The following NF1 variants were observed in gnomAD, a reference collection of about 807,000 sequenced individuals.
The protein encoded by NF1 is neurofibromin 1, also known as neurofibromin.
Under a neutral mutation model 325.7 loss-of-function variants are expected in NF1, and 122 were observed. The ratio of observed to expected loss-of-function variants is 0.37; its 90% CI spans 0.32 to 0.44. The LOEUF (loss-of-function observed/expected upper bound fraction) is 0.44, where lower values mean the gene tolerates loss of function less well. Ranked by LOEUF, NF1 falls within the 20% of genes least tolerant of loss-of-function variation. NF1 has a pLI of 1.00. For synonymous variants in NF1, 1,091 were observed against 1,186.0 expected (o/e 0.92, Z 1.65); for missense variants, 2,140 against 3,415.4 (o/e 0.63, Z 9.31).
At chr17:31,234,396 G>A (rs969709128) in intron 27 of NF1, among the ~76,000 whole-genome samples, 2 of 152,046 alleles carry the variant, frequency 1.3e-5, no homozygotes, top group Non-Finnish European at 2.9e-5. Flanking sequence ...GTTAAGGGCC[G>A]GGTGTGGTCG....
intron 31 of NF1, chr17:31,254,257 G>GT (rs1267681806): frequency 1.7e-5 from 2 of 115,180 alleles, no homozygotes; most frequent in Non-Finnish European, 3.3e-5. Context: ...GAGTGACAGA[G>GT]TAAGACCCTG....
Position 31,206,239 on chromosome 17 carries a change from G to A in NF1, c.1261-1G>A, listed in dbSNP as rs2066618707. 2 of 1,613,412 alleles carry A rather than the reference G, an allele frequency of 1.2e-6. No homozygotes were observed. Among genetic ancestry groups the A allele is most frequent in the Non-Finnish European group, 1.7e-6 (2 of 1,179,622 alleles). ...TCCTATTGGTCTTTGTTTTTCTCTA[G>A]TCCGCATTGGATTGGTGGCCTAAGA... On this transcript the variant is annotated splice_acceptor_variant, in intron 11 of 57. Transcript: ENST00000358273. LOFTEE classifies it high-confidence loss of function.
intron 34 of NF1, 98 bp from the exon 35 acceptor site, chr17:31,261,613 T>G (rs577936164): frequency 1.5e-6 from 2 of 1,307,592 alleles, no homozygotes; most frequent in African/African-American, 2.9e-5. Flanking sequence ...ACAAATCAGC[T>G]GACAGTAAAA....
chr17:31,149,079 G>T (rs1473087760), intron 1 of NF1, among the ~76,000 whole-genome samples: 1 of 151,186 alleles, frequency 6.6e-6, no homozygotes, highest in Admixed American at 6.6e-5. Context: ...TAGATGAATG[G>T]AACATACTGT....
intron 1 of NF1, among the ~76,000 whole-genome samples, chr17:31,135,097 A>G (rs1467360933): frequency 1.3e-5 from 2 of 152,194 alleles, no homozygotes; most frequent in African/African-American, 4.8e-5. Context: ...GATCAAGTTT[A>G]TTAAGCAGTT....
intron 27 of NF1, among the ~76,000 whole-genome samples, chr17:31,233,809 A>G (rs528262634): frequency 1.3e-5 from 2 of 152,264 alleles, no homozygotes; most frequent in Admixed American, 6.5e-5. Context: ...GTGTACCAAA[A>G]CTGATTTCAG....
At chr17:31,268,624 T>TAAAA (rs1296165385) in intron 36 of NF1, among the ~76,000 whole-genome samples, 1 of 118,256 alleles carries the variant, frequency 8.5e-6, no homozygotes, top group East Asian at 2.5e-4. Context: ...AGACTCTGTC[T>TAAAA]AAAAAAAAAA....
intron 31 of NF1, chr17:31,253,532 A>G (rs566874055): frequency 1.3e-5 from 2 of 153,142 alleles, no homozygotes; most frequent in South Asian, 4.1e-4. Context: ...TTGTGCATAG[A>G]TTATAGAAAT....
Position 31,362,628 on chromosome 17 carries a change from T to A in NF1, c.8377+1925T>A, listed in dbSNP as rs372268327. Among the ~76,000 whole-genome samples the A allele has an allele frequency of 1.6e-4, 24 of 152,362 alleles. No individual in the cohort carries two copies. The South Asian group carries it at 4.8e-3, about 30-fold the overall frequency. On this transcript the variant is annotated intron_variant, in intron 57 of 57. Coordinates refer to ENST00000358273, the MANE Select transcript of NF1 (RefSeq NM_001042492.3). ...AAGCCCACCAGTTCTTTTTTTTCTG[T>A]TGGACTATTTTCTGGGTTACTGAAC...
intron 1 of NF1, among the ~76,000 whole-genome samples, chr17:31,132,038 C>T (rs1283140218): frequency 6.6e-6 from 1 of 152,086 alleles, no homozygotes; most frequent in Non-Finnish European, 1.5e-5. Context: ...TCAAGCAGTC[C>T]TCCCACCTTA....
In NF1 at chr17:31,243,538, C is replaced by G. The variant is rs149614186; in HGVS notation, c.3975-5446C>G. On this transcript the variant is annotated intron_variant, in intron 29 of 57. Transcript: ENST00000358273. ...ACCCAAGCTGTAAGACAAAGTCCTT[C>G]CCGCTCTTCCGTCCTCTTTTCTCAA... is the stretch of plus-strand genomic sequence containing the variant. Among the ~76,000 whole-genome samples, 28 of 151,952 alleles carry G rather than the reference C, an allele frequency of 1.8e-4. No individual in the cohort carries two copies. In the East Asian group the frequency reaches 5.3e-3, roughly 29 times the overall value.
intron 31 of NF1, chr17:31,254,273 C>CCAAAAAA (rs2067543301): frequency 2.6e-5 from 2 of 75,748 alleles, no homozygotes; most frequent in African/African-American, 9.9e-5. Context: ...CCCTGTCTCA[C>CCAAAAAA]AAAAAAAAAA....
chr17:31,188,825 G>C (rs1292044598), intron 8 of NF1, among the ~76,000 whole-genome samples: 1 of 152,132 alleles, frequency 6.6e-6, no homozygotes, highest in Non-Finnish European at 1.5e-5. Flanking sequence ...CTCCTGTGCT[G>C]GTTGCTTCCT....
intron 8 of NF1, among the ~76,000 whole-genome samples, chr17:31,197,130 C>T (rs562818214): frequency 2.6e-5 from 4 of 151,732 alleles, no homozygotes; most frequent in Non-Finnish European, 4.4e-5. Flanking sequence ...CTACAAGCTC[C>T]GCCTCCCAGG....
chr17:31,225,202 A>G lies in NF1; in HGVS notation c.1953A>G (p.Leu651=), dbSNP rs1298717179. ...SQMSMDHEEL[L]RTPGASLRKG... is the part of the protein sequence containing the mutation. ...TGTCCATGGATCATGAAGAATTACTACGTACTCCTGGAGCCTCTCTCCGGA... is the reference window on the plus strand; with the variant it reads ...TGTCCATGGATCATGAAGAATTACTGCGTACTCCTGGAGCCTCTCTCCGGA... Residue 651 remains leucine, a synonymous_variant, in exon 17 of 58, where the codon CTA becomes CTG. Coordinates refer to ENST00000358273, the MANE Select transcript of NF1 (RefSeq NM_001042492.3). 3 of 1,613,824 alleles carry G rather than the reference A, an allele frequency of 1.9e-6. No individual in the cohort carries two copies. Among genetic ancestry groups the G allele is most frequent in the Admixed American group, 1.7e-5 (1 of 60,010 alleles).
At chr17:31,131,995 A>G (rs1360136727) in intron 1 of NF1, among the ~76,000 whole-genome samples, 1 of 151,818 alleles carries the variant, frequency 6.6e-6, no homozygotes, top group Non-Finnish European at 1.5e-5. Flanking sequence ...CAGTGGTGTG[A>G]TCACTGTTCA....
At chr17:31,209,520 T>C (rs938059541) in intron 12 of NF1, among the ~76,000 whole-genome samples, 2 of 152,266 alleles carry the variant, frequency 1.3e-5, no homozygotes, top group Non-Finnish European at 2.9e-5. Context: ...AGAATACTTC[T>C]GATTCTTCCA....
intron 4 of NF1, among the ~76,000 whole-genome samples, chr17:31,169,305 G>A (rs1037278426): frequency 2.0e-5 from 3 of 152,090 alleles, no homozygotes; most frequent in African/African-American, 7.2e-5. Flanking sequence ...TTTTCCCAAA[G>A]AACCCTGGCC....
At chr17:31,310,808 T>C (rs1306253504) in intron 36 of NF1, among the ~76,000 whole-genome samples, 1 of 152,218 alleles carries the variant, frequency 6.6e-6, no homozygotes, top group Non-Finnish European at 1.5e-5. Flanking sequence ...GCTGGCACTT[T>C]GAGGTTTAAA....
Sources: gnomAD v4.1 joint callset for allele counts (sites outside exome capture counted in the v4.1 genomes callset) on GRCh38, gnomAD v4.1.1 for gene constraint, MANE v1.5 for transcripts, NCBI Gene and HGNC (gene_info 2026-07-23, HGNC 2026-07-21) for gene names.